The following IQCH variants were observed in gnomAD, a reference collection of about 807,000 sequenced individuals.
IQCH encodes IQ domain-containing protein H.
Under a neutral mutation model 117.0 loss-of-function variants are expected in IQCH, and 98 were observed. That is an observed-to-expected ratio of 0.84 (90% confidence interval 0.71 to 0.99). IQCH has a LOEUF of 0.99. Ranked by LOEUF, IQCH falls within the 50% of genes least tolerant of loss-of-function variation. The pLI, the probability that IQCH is intolerant of heterozygous loss-of-function variation, is 0.00. For missense variants in IQCH, 1,102 were observed against 1,243.8 expected, an observed-to-expected ratio of 0.89 and a Z score of 1.72; for synonymous variants, 412 against 448.2, an observed-to-expected ratio of 0.92 and a Z score of 1.02.
intron 5 of IQCH, among the ~76,000 whole-genome samples, chr15:67,341,807 A>G (rs1969188689): frequency 6.6e-6 from 1 of 152,236 alleles, no homozygotes; most frequent in Non-Finnish European, 1.5e-5. Context: ...GAATATTTAA[A>G]TAAATTTGCA....
chr15:67,359,646 CG>C lies in IQCH; in HGVS notation c.715-197del, dbSNP rs1427751964. ...AATCAAACTCTTTCTTCAAAGCAAACGGGGCTTGGCAAACAGAGCATCGTTG... is the reference window on the plus strand; with the variant it reads ...AATCAAACTCTTTCTTCAAAGCAAACGGGCTTGGCAAACAGAGCATCGTTG... On this transcript the variant is annotated intron_variant, in intron 7 of 20. Coordinates refer to ENST00000335894, the MANE Select transcript of IQCH (RefSeq NM_001031715.3). The surrounding 1 kb of genome is among the most constrained non-coding windows in gnomAD (Gnocchi z 4.5). 5.3e-5 allele frequency among the ~76,000 whole-genome samples: 8 copies of C among 152,166 alleles called. No individual in the cohort carries two copies. The highest frequency in any genetic ancestry group is 1.9e-4 in the African/African-American group (8 of 41,420).
Position 67,326,271 on chromosome 15 carries a change from T to A in IQCH, c.388-10704T>A, listed in dbSNP as rs180942632. Among the ~76,000 whole-genome samples, 97 of 152,358 alleles carry A rather than the reference T, an allele frequency of 6.4e-4. 1 individual carries two copies. The highest frequency in any genetic ancestry group is 4.3e-3 in the Admixed American group (66 of 15,296). On this transcript the variant is annotated intron_variant, in intron 4 of 20. Coordinates refer to ENST00000335894, the MANE Select transcript of IQCH (RefSeq NM_001031715.3). ...CTCAGAATCATGGTTTCCAGCTTCA[T>A]CCATGTCCCTACAAAGGACATGAGC... is the stretch of plus-strand genomic sequence containing the variant.
rs2140940296 is a variant in IQCH, at chr15:67,430,247, C to G, written c.2505+8670C>G. ...ATAGCAGCAAAAGCTATTTCCAAATCCTGATGGGTCCTGGAGCCAGGATCA... is the reference window on the plus strand; with the variant it reads ...ATAGCAGCAAAAGCTATTTCCAAATGCTGATGGGTCCTGGAGCCAGGATCA... On this transcript the variant is annotated intron_variant, in intron 16 of 20. Coordinates refer to ENST00000335894, the MANE Select transcript of IQCH (RefSeq NM_001031715.3). This position sits in a 1 kb window ranked among gnomAD's most constrained non-coding sequence, Gnocchi z 5.1. The G allele has an allele frequency of 6.6e-6, 1 of 151,964 alleles. No individual in the cohort carries two copies. The highest frequency in any genetic ancestry group is 2.4e-5 in the African/African-American group (1 of 41,448). 9.4% of individuals were successfully genotyped at this position (151,964 alleles called of 1,614,324 possible).
At chr15:67,334,441 A>G (rs1025604114) in intron 4 of IQCH, among the ~76,000 whole-genome samples, 3 of 152,174 alleles carry the variant, frequency 2.0e-5, no homozygotes, top group Admixed American at 6.5e-5. Flanking sequence ...ATCTTCATGC[A>G]TGAAATATGC....
intron 4 of IQCH, among the ~76,000 whole-genome samples, chr15:67,332,617 G>A (rs1968713452): frequency 6.6e-6 from 1 of 152,124 alleles, no homozygotes; most frequent in Non-Finnish European, 1.5e-5. Context: ...AACAATTATA[G>A]AATCATGGTA....
chr15:67,257,170 T>A (rs1047556382), intron 1 of IQCH, among the ~76,000 whole-genome samples: 4 of 152,252 alleles, frequency 2.6e-5, no homozygotes, highest in Admixed American at 2.6e-4. Flanking sequence ...CTCATCTCTC[T>A]GGACCTCACT....
intron 6 of IQCH, among the ~76,000 whole-genome samples, chr15:67,344,611 C>T (rs1157898926): frequency 1.3e-5 from 2 of 152,156 alleles, no homozygotes; most frequent in African/African-American, 2.4e-5. Context: ...TGGTCACTGA[C>T]CTTGATATGC....
Position 67,490,201 on chromosome 15 carries a change from AT to A in IQCH, c.2861+141del. 1.4e-6 allele frequency: 1 copy of A among 707,240 alleles called. No individual in the cohort carries two copies. The highest frequency in any genetic ancestry group is 2.4e-6 in the Non-Finnish European group (1 of 412,548). The allele number at this position is 707,240 out of a possible 1,614,324, so 43.8% of individuals were successfully genotyped here. ...TCTATCTTTATTTAGATCTTCAGGT[AT>A]TTTATTTTATTCTATTTTTTTGAGA... On this transcript the variant is annotated intron_variant, in intron 19 of 20. Coordinates refer to ENST00000335894, the MANE Select transcript of IQCH (RefSeq NM_001031715.3). The surrounding 1 kb of genome is among the most constrained non-coding windows in gnomAD (Gnocchi z 4.9).
At chr15:67,350,007 T>C (rs1969584460) in intron 6 of IQCH, among the ~76,000 whole-genome samples, 1 of 152,162 alleles carries the variant, frequency 6.6e-6, no homozygotes. Flanking sequence ...GACCCAACAA[T>C]CTCACTCCTA....
chr15:67,285,313 A>G (rs1438198888), intron 4 of IQCH, among the ~76,000 whole-genome samples: 1 of 150,858 alleles, frequency 6.6e-6, no homozygotes, highest in African/African-American at 2.4e-5. Context: ...TTTTTTTCTC[A>G]GAAATTTGTT....
chr15:67,399,203 A>G lies in IQCH; in HGVS notation c.1906-911A>G, dbSNP rs146039910. ...AATGGAATTCCTACTCTGCTACTCA[A>G]TGCTGTGTGATTGTGGGAAAGTTAT... On this transcript the variant is annotated intron_variant, in intron 13 of 20. Coordinates refer to ENST00000335894, the MANE Select transcript of IQCH (RefSeq NM_001031715.3). Among the ~76,000 whole-genome samples the G allele has an allele frequency of 1.6e-4, 24 of 152,322 alleles. No homozygotes were observed. In the East Asian group the frequency reaches 4.4e-3, roughly 28 times the overall value.
At chr15:67,347,681 A>G (rs1340704069) in intron 6 of IQCH, among the ~76,000 whole-genome samples, 7 of 151,356 alleles carry the variant, frequency 4.6e-5, no homozygotes, top group Admixed American at 4.6e-4. Context: ...TTATGAAGCT[A>G]TCATCACCCT....
chr15:67,419,443 T>C (rs994048675), intron 15 of IQCH, among the ~76,000 whole-genome samples: 51 of 152,196 alleles, frequency 3.4e-4, no homozygotes, highest in African/African-American at 1.2e-3. Context: ...GCTTCCACCA[T>C]TGCCTGTTTC....
rs1370600001 is a variant in IQCH at position 67,416,320 on chromosome 15, C to T, written c.2098-611C>T. On this transcript the variant is annotated intron_variant, in intron 14 of 20. Coordinates refer to ENST00000335894, the MANE Select transcript of IQCH (RefSeq NM_001031715.3). The surrounding 1 kb of genome is among the most constrained non-coding windows in gnomAD (Gnocchi z 5.1). Reference sequence around the variant, plus strand: ...ATCACCTGAGGTCGGGAGTTTGAGACCAGCCTGACCAACATGGAGAAACCC... The same window carrying T: ...ATCACCTGAGGTCGGGAGTTTGAGATCAGCCTGACCAACATGGAGAAACCC... 2.6e-5 allele frequency among the ~76,000 whole-genome samples: 4 copies of T among 151,822 alleles called. No individual in the cohort carries two copies. The highest frequency in any genetic ancestry group is 9.7e-5 in the African/African-American group (4 of 41,328).
chr15:67,260,145 G>A (rs564438919), intron 1 of IQCH, among the ~76,000 whole-genome samples: 1 of 152,328 alleles, frequency 6.6e-6, no homozygotes, highest in East Asian at 1.9e-4. Context: ...GACTATTGCT[G>A]AAACAGGTGT....
intron 4 of IQCH, among the ~76,000 whole-genome samples, chr15:67,332,035 A>G (rs1968689498): frequency 6.6e-6 from 1 of 152,196 alleles, no homozygotes; most frequent in African/African-American, 2.4e-5. Context: ...AAAGGAACCA[A>G]GTACCACAAT....
At chr15:67,355,634 G>A (rs1484665429) in intron 6 of IQCH, among the ~76,000 whole-genome samples, 1 of 151,754 alleles carries the variant, frequency 6.6e-6, no homozygotes, top group African/African-American at 2.4e-5. Context: ...AAGCATACAA[G>A]TTTGTCCAGA....
chr15:67,346,000 AAAAT>A (rs1246428969), intron 6 of IQCH, among the ~76,000 whole-genome samples: 1 of 152,140 alleles, frequency 6.6e-6, no homozygotes, highest in Non-Finnish European at 1.5e-5. Context: ...TTTTAATTCA[AAAAT>A]AAATTATAGG....
At chr15:67,357,532 T>C in intron 7 of IQCH, 111 bp downstream of exon 7, 1 of 743,618 alleles carries the variant, frequency 1.3e-6, no homozygotes, top group South Asian at 1.5e-5. Flanking sequence ...TAGAAATAAG[T>C]GCTATTTCAG....
Sources: allele counts gnomAD v4.1 joint callset (sites outside exome capture counted in the v4.1 genomes callset), GRCh38; gene constraint gnomAD v4.1.1; non-coding constraint Gnocchi (gnomAD v3.1); transcripts MANE v1.5; gene names NCBI Gene and HGNC (gene_info 2026-07-23, HGNC 2026-07-21).